PLEKHA5: variants seen among roughly 807,000 people sequenced by gnomAD.
The protein encoded by PLEKHA5 is pleckstrin homology domain-containing family A member 5.
A neutral mutation model predicts 181.9 loss-of-function variants in PLEKHA5; 55 were observed. The observed-to-expected ratio is 0.30, with a 90% confidence interval of 0.24 to 0.38. PLEKHA5 has a LOEUF of 0.38. Among genes scored for constraint, PLEKHA5 ranks in the 10% least tolerant of loss-of-function variants. The pLI is 1.00. For missense variants in PLEKHA5, 1,432 were observed against 1,549.5 expected, an observed-to-expected ratio of 0.92 and a Z score of 1.27; for synonymous variants, 535 against 529.4, an observed-to-expected ratio of 1.01 and a Z score of -0.15.
chr12:19,170,608 C>T (rs1260538879), intron 3 of PLEKHA5, among the ~76,000 whole-genome samples: 5 of 152,066 alleles, frequency 3.3e-5, no homozygotes, highest in African/African-American at 4.8e-5. Context: ...TTAGTAGAGA[C>T]GAGGTTTCAC....
rs576391932 is a variant in PLEKHA5, at chr12:19,260,932, A to T, written c.538-17A>T. 2.7e-6 allele frequency: 4 copies of T among 1,465,610 alleles called. No individual in the cohort carries two copies. The East Asian group carries it at 9.3e-5, about 34-fold the overall frequency. 90.8% of individuals were successfully genotyped at this position (1,465,610 alleles called of 1,614,324 possible). On this transcript the variant is annotated splice_polypyrimidine_tract_variant and intron_variant, in intron 6 of 31. Transcript: ENST00000429027. ...GTTGTTTGAGAAATAATCCTTAAAT[A>T]TGCTGATTTAATCCAGGACAGTACT... is the stretch of plus-strand genomic sequence containing the variant.
chr12:19,214,421 A>G (rs1341716833), intron 3 of PLEKHA5, among the ~76,000 whole-genome samples: 1 of 152,018 alleles, frequency 6.6e-6, no homozygotes, highest in Non-Finnish European at 1.5e-5. Context: ...AGTGAGAAGT[A>G]CAAATAGCCT....
chr12:19,236,673 A>G (rs2061453693), intron 3 of PLEKHA5, among the ~76,000 whole-genome samples: 1 of 152,202 alleles, frequency 6.6e-6, no homozygotes, highest in South Asian at 2.1e-4. Context: ...CGTTTTCTTC[A>G]GTAACTATTT....
intron 3 of PLEKHA5, among the ~76,000 whole-genome samples, chr12:19,195,553 T>C (rs571614956): frequency 8.6e-5 from 13 of 151,052 alleles, no homozygotes; most frequent in African/African-American, 3.2e-4. Context: ...ACCTGTAGTC[T>C]CAGCTACTCT....
intron 20 of PLEKHA5, among the ~76,000 whole-genome samples, chr12:19,334,829 A>AAAAAAAAAAAAAATATATATATAT: frequency 1.1e-4 from 2 of 18,598 alleles, no homozygotes; most frequent in Non-Finnish European, 2.9e-4. Context: ...AAAAAAAAAA[A>AAAAAAAAAAAAAATATATATATAT]ATATATATAT....
intron 3 of PLEKHA5, among the ~76,000 whole-genome samples, chr12:19,229,784 G>A (rs371001436): frequency 1.3e-5 from 2 of 151,376 alleles, no homozygotes; most frequent in Non-Finnish European, 2.9e-5. Flanking sequence ...ATTTTACAGA[G>A]AGCTGATTGA....
chr12:19,166,776 C>G (rs2044495800), intron 3 of PLEKHA5, among the ~76,000 whole-genome samples: 1 of 152,128 alleles, frequency 6.6e-6, no homozygotes, highest in African/African-American at 2.4e-5. Flanking sequence ...TAGTAATGAC[C>G]ATGGCAACAT....
At chr12:19,372,395 G>GTTTTTTTTTTTTTTTTTTT (rs34877323) in intron 31 of PLEKHA5, 1 of 139,224 alleles carries the variant, frequency 7.2e-6, no homozygotes, top group African/African-American at 2.6e-5. Flanking sequence ...GGGATTATTT[G>GTTTTTTTTTTTTTTTTTTT]TTTTTGTTTT....
intron 18 of PLEKHA5, chr12:19,321,483 A>G (rs1455364375): frequency 1.3e-5 from 2 of 148,258 alleles, no homozygotes; most frequent in Non-Finnish European, 3.0e-5. Flanking sequence ...TATGCCTCAG[A>G]CACCCAAATA....
intron 11 of PLEKHA5, among the ~76,000 whole-genome samples, chr12:19,280,386 C>G (rs1172898739): frequency 1.3e-5 from 2 of 152,068 alleles, no homozygotes; most frequent in African/African-American, 4.8e-5. Flanking sequence ...TTGTTACTGA[C>G]AGGTCTTTGG....
In PLEKHA5 at chr12:19,269,881, A is replaced by G. The variant is rs1242096760; in HGVS notation, c.823A>G (p.Lys275Glu). The G allele has an allele frequency of 2.0e-6, 3 of 1,514,810 alleles. No individual in the cohort carries two copies. Among genetic ancestry groups the G allele is most frequent in the Non-Finnish European group, 2.7e-6 (3 of 1,091,362 alleles). 93.8% of individuals were successfully genotyped at this position (1,514,810 alleles called of 1,614,324 possible). Residue 275 changes from lysine (K) to glutamate (E), a missense_variant, in exon 9 of 32, where the codon AAA (lysine) becomes GAA (glutamate). Lys to Glu is a moderately conservative substitution (Grantham distance 56). This residue lies in a region of PLEKHA5 where 289 missense variants were observed against 381.1 expected (regional missense o/e 0.76). Coordinates refer to ENST00000429027, the MANE Select transcript of PLEKHA5 (RefSeq NM_001256470.2). The part of the protein sequence containing the change: ...DAALVQTEPV[K>E]RITFNFRVDK... ...TGCCCTAGTACAGACAGAACCTGTG[A>G]AAAGGTAAAGGCTTGTAGAAAAAAT...
chr12:19,351,391 G>A (rs1310582733), intron 25 of PLEKHA5, among the ~76,000 whole-genome samples: 2 of 152,062 alleles, frequency 1.3e-5, no homozygotes, highest in East Asian at 1.9e-4. Flanking sequence ...AGTAAAAAAT[G>A]TATTTAGCTT....
chr12:19,244,344 A>T (rs1017983023), intron 3 of PLEKHA5, among the ~76,000 whole-genome samples: 1 of 152,274 alleles, frequency 6.6e-6, no homozygotes, highest in African/African-American at 2.4e-5. Context: ...CACTAGAAGG[A>T]TACTGAAAAC....
chr12:19,155,057 G>A lies in PLEKHA5; in HGVS notation c.227+22607G>A, dbSNP rs143021339. Among the ~76,000 whole-genome samples, 68 of 152,280 alleles carry A rather than the reference G, an allele frequency of 4.5e-4. No individual in the cohort carries two copies. The East Asian group carries it at 0.011, about 25-fold the overall frequency. Reference sequence around the variant, plus strand: ...ATAAGGGAGTCAGAAACGTAGGAAGGAATACTACAGGAGTTGTGCATGTGG... The same window carrying A: ...ATAAGGGAGTCAGAAACGTAGGAAGAAATACTACAGGAGTTGTGCATGTGG... On this transcript the variant is annotated intron_variant, in intron 3 of 31. Transcript: ENST00000429027.
At chr12:19,343,966 C>T (rs1021533868) in intron 22 of PLEKHA5, among the ~76,000 whole-genome samples, 5 of 151,560 alleles carry the variant, frequency 3.3e-5, no homozygotes, top group African/African-American at 1.2e-4. Context: ...ACAGGAGAAT[C>T]GCTTGAACCC....
At chr12:19,210,244 G>T (rs4550272) in intron 3 of PLEKHA5, among the ~76,000 whole-genome samples, 114,034 of 152,092 alleles carry the variant, frequency 0.75, 44,372 homozygotes, top group Non-Finnish European at 0.88. Context: ...TTCCACAGAC[G>T]TTTTGAAGTC....
chr12:19,225,097 G>A (rs1170869068), intron 3 of PLEKHA5, among the ~76,000 whole-genome samples: 1 of 152,172 alleles, frequency 6.6e-6, no homozygotes, highest in African/African-American at 2.4e-5. Flanking sequence ...GATACCAGTG[G>A]AAAGGGTTTT....
At chr12:19,308,522 G>A (rs1266418719) in intron 15 of PLEKHA5, among the ~76,000 whole-genome samples, 1 of 152,116 alleles carries the variant, frequency 6.6e-6, no homozygotes, top group African/African-American at 2.4e-5. Flanking sequence ...TACATCTACA[G>A]CCAGAATGGA....
intron 20 of PLEKHA5, among the ~76,000 whole-genome samples, chr12:19,326,605 G>T (rs1025476244): frequency 6.6e-6 from 1 of 152,114 alleles, no homozygotes; most frequent in Non-Finnish European, 1.5e-5. Flanking sequence ...AGGTTTGGGG[G>T]TACATGTGTA....
Sources: gnomAD v4.1 joint callset for allele counts (sites outside exome capture counted in the v4.1 genomes callset) on GRCh38, gnomAD v4.1.1 for gene constraint, gnomAD v4.1.1 regional missense constraint, MANE v1.5 for transcripts, NCBI Gene and HGNC (gene_info 2026-07-23, HGNC 2026-07-21) for gene names.